The following KPNA6 variants were observed in gnomAD, a reference collection of about 807,000 sequenced individuals.
The protein encoded by KPNA6 is karyopherin subunit alpha 6, also known as importin subunit alpha-7.
Under a neutral mutation model 72.0 loss-of-function variants are expected in KPNA6, and 9 were observed. The observed-to-expected ratio is 0.13, with a 90% CI of 0.08 to 0.22. KPNA6 has a LOEUF of 0.22. KPNA6 is among the 10% of genes least tolerant of loss of function. The pLI, the probability that KPNA6 is intolerant of heterozygous loss-of-function variation, is 1.00. For missense variants in KPNA6, 374 were observed against 655.7 expected (o/e 0.57, Z 4.69); for synonymous variants, 219 against 242.1 (o/e 0.90, Z 0.89).
At chr1:32,122,172 G>A (rs575587553) in intron 1 of KPNA6, among the ~76,000 whole-genome samples, 1 of 152,174 alleles carries the variant, frequency 6.6e-6, no homozygotes, top group African/African-American at 2.4e-5. Context: ...TACTCGGGAG[G>A]CTAAGGCAAC....
At chr1:32,116,003 C>T (rs902708785) in intron 1 of KPNA6, among the ~76,000 whole-genome samples, 1 of 151,974 alleles carries the variant, frequency 6.6e-6, no homozygotes, top group Non-Finnish European at 1.5e-5. Flanking sequence ...CTCAGCCTCC[C>T]AAAGTCTTGG....
At chr1:32,129,033 A>T (rs1641589687) in intron 1 of KPNA6, among the ~76,000 whole-genome samples, 1 of 151,988 alleles carries the variant, frequency 6.6e-6, no homozygotes, top group Non-Finnish European at 1.5e-5. Context: ...AGCTCTTTTC[A>T]CCAGTACCAC....
intron 7 of KPNA6, 88 bp from the exon 8 acceptor site, chr1:32,161,859 G>A (rs536726993): frequency 2.2e-6 from 2 of 922,526 alleles, no homozygotes; most frequent in Admixed American, 4.1e-5. Context: ...AGTCTGAGAG[G>A]TCTCATTGGA....
At chr1:32,162,265 G>A in intron 8 of KPNA6, 96 bp from the exon 9 acceptor site, 1 of 1,174,200 alleles carries the variant, frequency 8.5e-7, no homozygotes, top group Non-Finnish European at 1.2e-6. Context: ...ACTTGTGTGT[G>A]TGTATTGTGG....
intron 5 of KPNA6, among the ~76,000 whole-genome samples, chr1:32,158,763 C>T (rs575373342): frequency 1.3e-5 from 2 of 152,322 alleles, no homozygotes; most frequent in South Asian, 2.1e-4. Context: ...ACATATCTCT[C>T]AGGAAGTTCA....
intron 1 of KPNA6, among the ~76,000 whole-genome samples, chr1:32,131,342 A>C (rs566769991): frequency 7.9e-5 from 12 of 151,928 alleles, no homozygotes; most frequent in African/African-American, 2.9e-4. Context: ...GGAGTAGGCA[A>C]TGATTTGTTA....
rs1178345020 is a variant in KPNA6 at position 32,173,142 on chromosome 1, A to G, written c.*2248A>G. ...GAATCTTTTTTTCACTTGGCCTGCT[A>G]CCTCCATTAAAAAACCATTCTCTTA... is the stretch of plus-strand genomic sequence containing the variant. On this transcript the variant is annotated 3_prime_UTR_variant, in exon 14 of 14. Transcript: ENST00000373625. 1 of 384,036 alleles carries G rather than the reference A, an allele frequency of 2.6e-6. No individual in the cohort carries two copies. Among genetic ancestry groups the G allele is most frequent in the Non-Finnish European group, 4.5e-6 (1 of 223,676 alleles). 23.8% of individuals were successfully genotyped at this position (384,036 alleles called of 1,614,324 possible). A position where few individuals can be genotyped will look rare whatever the true frequency, so the allele number is the denominator to read the frequency against.
intron 1 of KPNA6, among the ~76,000 whole-genome samples, chr1:32,131,797 ATTGC>A (rs1641643054): frequency 6.6e-6 from 1 of 151,540 alleles, no homozygotes; most frequent in South Asian, 2.1e-4. Context: ...AGTCAGGCAG[ATTGC>A]TTGACCACTG....
At chr1:32,142,258 A>G (rs1171450160) in intron 1 of KPNA6, among the ~76,000 whole-genome samples, 2 of 138,838 alleles carry the variant, frequency 1.4e-5, no homozygotes, top group Non-Finnish European at 3.0e-5. Flanking sequence ...CCTGTCTCAA[A>G]AAAAAAAAAA....
chr1:32,119,011 TATATATATATATATATA>T (rs1641378565), intron 1 of KPNA6, among the ~76,000 whole-genome samples: 6 of 67,676 alleles, frequency 8.9e-5, no homozygotes, highest in African/African-American at 5.0e-4. Context: ...TATATATATA[TATATATATATATATATA>T]TATATTTTTT....
intron 10 of KPNA6, 141 bp from the exon 11 acceptor site, chr1:32,165,964 C>G (rs552103052): frequency 2.2e-6 from 2 of 899,828 alleles, no homozygotes; most frequent in African/African-American, 1.7e-5. Flanking sequence ...TGCCATTGCA[C>G]TCCAGCCTGG....
At chr1:32,144,420 C>T (rs1022606742) in intron 1 of KPNA6, among the ~76,000 whole-genome samples, 3 of 152,202 alleles carry the variant, frequency 2.0e-5, no homozygotes, top group Non-Finnish European at 4.4e-5. Context: ...GGGTAACTGA[C>T]ACTCTGCAAA....
At chr1:32,163,434 A>G in intron 10 of KPNA6, 121 bp downstream of exon 10, 1 of 693,780 alleles carries the variant, frequency 1.4e-6, no homozygotes, top group Non-Finnish European at 2.6e-6. Context: ...CTATGGTCTA[A>G]GGAAGTAAGT....
intron 1 of KPNA6, among the ~76,000 whole-genome samples, chr1:32,124,032 C>CAA (rs771086945): frequency 0.028 from 1,160 of 42,162 alleles, 69 homozygotes; most frequent in African/African-American, 0.091. Flanking sequence ...GACTCTGTCT[C>CAA]AAAAAAAAAA....
intron 10 of KPNA6, among the ~76,000 whole-genome samples, chr1:32,165,250 A>G (rs1207301227): frequency 6.6e-6 from 1 of 151,548 alleles, no homozygotes; most frequent in African/African-American, 2.4e-5. Flanking sequence ...GGGTCTCACT[A>G]TGTTGCCCCA....
intron 1 of KPNA6, among the ~76,000 whole-genome samples, chr1:32,153,523 A>ATGG (rs1256114829): frequency 6.1e-5 from 9 of 148,248 alleles, no homozygotes; most frequent in African/African-American, 2.2e-4. Flanking sequence ...GTGAGTCAAG[A>ATGG]TGGTGCCATT....
Position 32,171,480 on chromosome 1 carries a change from G to C in KPNA6, c.*586G>C, listed in dbSNP as rs71646360. 6.6e-6 allele frequency: 1 copy of C among 151,994 alleles called. No individual in the cohort carries two copies. Among genetic ancestry groups the C allele is most frequent in the Admixed American group, 6.6e-5 (1 of 15,260 alleles). The allele number at this position is 151,994 out of a possible 1,614,324, so 9.4% of individuals were successfully genotyped here. A position where few individuals can be genotyped will look rare whatever the true frequency, so the allele number is the denominator to read the frequency against. ...TTTTTTTCTTTTGCACATTTTTCTT[G>C]TATTAAGATTGCTCTTCCCAAGAGC... On this transcript the variant is annotated 3_prime_UTR_variant, in exon 14 of 14. Transcript: ENST00000373625.
chr1:32,118,972 ATGTG>A (rs144915333), intron 1 of KPNA6, among the ~76,000 whole-genome samples: 6 of 120,988 alleles, frequency 5.0e-5, no homozygotes, highest in South Asian at 2.6e-4. Flanking sequence ...AGCCATATAT[ATGTG>A]TGTGTGTGTG....
At chr1:32,151,996 C>T (rs1642040666) in intron 1 of KPNA6, among the ~76,000 whole-genome samples, 1 of 152,136 alleles carries the variant, frequency 6.6e-6, no homozygotes, top group African/African-American at 2.4e-5. Context: ...CATTCACTAT[C>T]AATAAGGAAA....
Sources: allele counts gnomAD v4.1 joint callset (sites outside exome capture counted in the v4.1 genomes callset), GRCh38; gene constraint gnomAD v4.1.1; transcripts MANE v1.5; gene names NCBI Gene and HGNC (gene_info 2026-07-23, HGNC 2026-07-21).